RPH3A: variants seen among roughly 807,000 people sequenced by gnomAD.
The protein encoded by RPH3A is rabphilin 3A, also known as rabphilin-3A.
In RPH3A, 48 loss-of-function variants were observed where a neutral mutation model predicts 102.2. That is an observed-to-expected ratio of 0.47 (90% CI 0.37 to 0.60). The LOEUF (loss-of-function observed/expected upper bound fraction) is 0.60. Ranked by LOEUF, RPH3A falls within the 20% of genes least tolerant of loss-of-function variation. The pLI, the probability that RPH3A is intolerant of heterozygous loss-of-function variation, is 0.00. For missense variants in RPH3A, 781 were observed against 910.1 expected (o/e 0.86, Z 1.83); for synonymous variants, 310 against 324.3 (o/e 0.96, Z 0.47).
intron 1 of RPH3A, among the ~76,000 whole-genome samples, chr12:112,720,771 G>A (rs1056545277): frequency 5.3e-5 from 8 of 152,184 alleles, no homozygotes; most frequent in African/African-American, 1.7e-4. Flanking sequence ...ACATATGCAG[G>A]TATCATATTG....
At position 112,750,478 on chromosome 12, in the gene RPH3A, G is replaced by A. The variant is rs556378999; in HGVS notation, c.-139-41665G>A. ...TCAGTTGTTCCATCTAAGGAGTGAG[G>A]GAGCTGGGGTATTTATGCACCTACT... On this transcript the variant is annotated intron_variant, in intron 1 of 21. Transcript: ENST00000543106. Among the ~76,000 whole-genome samples the A allele has an allele frequency of 9.2e-5, 14 of 152,232 alleles. No homozygotes were observed. The South Asian group carries it at 1.7e-3, about 18-fold the overall frequency.
intron 1 of RPH3A, among the ~76,000 whole-genome samples, chr12:112,719,858 A>G (rs1052002207): frequency 2.6e-5 from 4 of 152,214 alleles, no homozygotes; most frequent in African/African-American, 9.6e-5. Flanking sequence ...AGAACTTTGT[A>G]TATGCTGCAT....
upstream of RPH3A, among the ~76,000 whole-genome samples, chr12:112,788,554 TG>T (rs1264677908): frequency 6.6e-6 from 1 of 152,192 alleles, no homozygotes; most frequent in East Asian, 1.9e-4. Context: ...TGTCTGCAAA[TG>T]GGGCAGTAAT....
intron 5 of RPH3A, among the ~76,000 whole-genome samples, chr12:112,851,152 T>A (rs2042316903): frequency 6.6e-6 from 1 of 152,188 alleles, no homozygotes; most frequent in African/African-American, 2.4e-5. Context: ...TTACTAGGTA[T>A]GTGCTTAACT....
At chr12:112,741,615 A>T (rs1239234647) in intron 1 of RPH3A, among the ~76,000 whole-genome samples, 1 of 152,174 alleles carries the variant, frequency 6.6e-6, no homozygotes, top group Non-Finnish European at 1.5e-5. Flanking sequence ...GAGAGGCCTC[A>T]GAAAGTTGGA....
chr12:112,891,161 C>A, intron 19 of RPH3A, 158 bp downstream of exon 19: 1 of 786,424 alleles, frequency 1.3e-6, no homozygotes, highest in Non-Finnish European at 2.0e-6. Context: ...CTACAACTGG[C>A]AAGAATGTGG....
chr12:112,677,844 C>T (rs1244596592), intron 1 of RPH3A, among the ~76,000 whole-genome samples: 1 of 152,066 alleles, frequency 6.6e-6, no homozygotes, highest in East Asian at 1.9e-4. Context: ...CTCCAGGTGA[C>T]AAAGTCTGTA....
At chr12:112,749,565 C>T (rs889850413) in intron 1 of RPH3A, among the ~76,000 whole-genome samples, 15 of 152,172 alleles carry the variant, frequency 9.9e-5, no homozygotes, top group African/African-American at 3.1e-4. Context: ...TATGACTCGT[C>T]CCTGAAATAA....
intron 2 of RPH3A, among the ~76,000 whole-genome samples, chr12:112,801,196 C>G (rs1283078577): frequency 2.6e-5 from 4 of 152,250 alleles, no homozygotes; most frequent in Non-Finnish European, 5.9e-5. Context: ...TGATCTGAAC[C>G]TGTTGTTCCT....
At chr12:112,878,671 T>A (rs776038698) in intron 13 of RPH3A, among the ~76,000 whole-genome samples, 2 of 152,180 alleles carry the variant, frequency 1.3e-5, no homozygotes, top group Non-Finnish European at 2.9e-5. Context: ...AGGTGACATT[T>A]AAGCTGAGAT....
chr12:112,712,904 CTCTTCTTCTTCTTCTTCTTCCTCT>C lies in RPH3A; in HGVS notation c.-139-79218_-139-79195del, dbSNP rs1164485202. On this transcript the variant is annotated intron_variant, in intron 1 of 21. Coordinates refer to the RPH3A transcript ENST00000543106. ...TTTCTTCTTCTTCTTCTTCTTCTTC[CTCTTCTTCTTCTTCTTCTTCCTCT>C]TCTTCTTCTTCTTCTTCTTCTTCTT... Among the ~76,000 whole-genome samples, 166 of 92,558 alleles carry C rather than the reference CTCTTCTTCTTCTTCTTCTTCCTCT, an allele frequency of 1.8e-3. 7 individuals carry two copies. Among genetic ancestry groups the C allele is most frequent in the African/African-American group, 5.4e-3 (98 of 18,122 alleles). The allele number at this position is 92,558 out of a possible 152,430, so 60.7% of individuals were successfully genotyped here.
intron 1 of RPH3A, among the ~76,000 whole-genome samples, chr12:112,772,529 C>T (rs1195680188): frequency 6.6e-6 from 1 of 152,174 alleles, no homozygotes; most frequent in Non-Finnish European, 1.5e-5. Flanking sequence ...GTGGTAGAAA[C>T]AATAGCTAAG....
At chr12:112,832,695 T>C (rs892639428) in intron 3 of RPH3A, among the ~76,000 whole-genome samples, 1 of 152,062 alleles carries the variant, frequency 6.6e-6, no homozygotes, top group South Asian at 2.1e-4. Context: ...TTAAAAAAAT[T>C]AGCTGGATGT....
chr12:112,790,872 C>T (rs2136084007), upstream of RPH3A, among the ~76,000 whole-genome samples: 1 of 152,328 alleles, frequency 6.6e-6, no homozygotes, highest in South Asian at 2.1e-4. Flanking sequence ...TCCTTTATCA[C>T]TCTGTCCAAA....
At chr12:112,713,042 T>TCTTCTCCTC (rs1565857418) in intron 1 of RPH3A, among the ~76,000 whole-genome samples, 1 of 85,116 alleles carries the variant, frequency 1.2e-5, no homozygotes. Context: ...TTCTTCTTCT[T>TCTTCTCCTC]CTTCTTCTCC....
At chr12:112,879,486 T>C (rs1378286930) in intron 14 of RPH3A, among the ~76,000 whole-genome samples, 1 of 152,138 alleles carries the variant, frequency 6.6e-6, no homozygotes, top group Non-Finnish European at 1.5e-5. Context: ...CAGCAGTGTC[T>C]CTGGAGGGGA....
intron 1 of RPH3A, among the ~76,000 whole-genome samples, chr12:112,642,368 G>C (rs181682600): frequency 6.6e-6 from 1 of 152,228 alleles, no homozygotes; most frequent in Non-Finnish European, 1.5e-5. Context: ...GCCAGATTTA[G>C]CAAATAAAAA....
intron 1 of RPH3A, among the ~76,000 whole-genome samples, chr12:112,666,890 C>T (rs1181178772): frequency 6.6e-6 from 1 of 152,166 alleles, no homozygotes; most frequent in Non-Finnish European, 1.5e-5. Flanking sequence ...GATTTCCAGT[C>T]AGCAAGGACT....
chr12:112,669,095 A>G (rs1406940319), intron 1 of RPH3A, among the ~76,000 whole-genome samples: 1 of 152,218 alleles, frequency 6.6e-6, no homozygotes, highest in African/African-American at 2.4e-5. Context: ...AAGGTTGTGT[A>G]GGTTGCTCAC....
Sources: allele counts gnomAD v4.1 joint callset (sites outside exome capture counted in the v4.1 genomes callset), GRCh38; gene constraint gnomAD v4.1.1; transcripts MANE v1.5; gene names NCBI Gene and HGNC (gene_info 2026-07-23, HGNC 2026-07-21).